The following PPARGC1A variants were observed in gnomAD, a reference collection of about 807,000 sequenced individuals.
The protein encoded by PPARGC1A is PPARG coactivator 1 alpha, also known as peroxisome proliferator-activated receptor gamma coactivator 1-alpha.
A neutral mutation model predicts 88.7 loss-of-function variants in PPARGC1A; 25 were observed. That is an observed-to-expected ratio of 0.28 (90% confidence interval 0.21 to 0.39). PPARGC1A has a LOEUF of 0.39. PPARGC1A is among the 10% of genes least tolerant of loss of function. The pLI is 1.00. For synonymous variants in PPARGC1A, 363 were observed against 355.6 expected (o/e 1.02, Z -0.24); for missense variants, 880 against 968.7 (o/e 0.91, Z 1.22).
the PPARGC1A span, among the ~76,000 whole-genome samples, chr4:24,031,085 C>T: frequency 1.3e-5 from 2 of 152,248 alleles, no homozygotes; most frequent in Non-Finnish European, 2.9e-5. Context: ...GGAAACCTCA[C>T]ATTGACAAGC....
At chr4:24,169,261 A>G in the PPARGC1A span, among the ~76,000 whole-genome samples, 1 of 152,184 alleles carries the variant, frequency 6.6e-6, no homozygotes, top group African/African-American at 2.4e-5. Context: ...AAAACAAAGA[A>G]AGGCTGAGAA....
chr4:23,964,256 A>G, the PPARGC1A span, among the ~76,000 whole-genome samples: 2 of 152,226 alleles, frequency 1.3e-5, no homozygotes, highest in African/African-American at 2.4e-5. Flanking sequence ...AATTAGTAAC[A>G]TAAGTTTTAG....
the PPARGC1A span, among the ~76,000 whole-genome samples, chr4:24,124,520 G>T: frequency 0.019 from 2,823 of 152,266 alleles, 36 homozygotes; most frequent in South Asian, 0.03. Flanking sequence ...CCTGCAATCT[G>T]GGTGTCATTT....
the PPARGC1A span, among the ~76,000 whole-genome samples, chr4:24,178,904 A>G: frequency 1.3e-5 from 2 of 152,188 alleles, no homozygotes; most frequent in Non-Finnish European, 2.9e-5. Flanking sequence ...TATCACTACA[A>G]TAGGTTGGTT....
chr4:24,471,410 C>A, the PPARGC1A span, among the ~76,000 whole-genome samples: 13 of 152,282 alleles, frequency 8.5e-5, no homozygotes, highest in South Asian at 6.2e-4. The surrounding 1 kb of genome is among the most constrained non-coding windows in gnomAD (Gnocchi z 5.4). Context: ...AGCTCTACTT[C>A]CCCGCGTAGT....
chr4:24,399,937 C>T, the PPARGC1A span, among the ~76,000 whole-genome samples: 1 of 151,976 alleles, frequency 6.6e-6, no homozygotes, highest in Non-Finnish European at 1.5e-5. Context: ...AGGCACACAC[C>T]ACCACACCTG....
chr4:24,390,995 C>A, the PPARGC1A span, among the ~76,000 whole-genome samples: 2 of 152,024 alleles, frequency 1.3e-5, no homozygotes, highest in African/African-American at 4.8e-5. Context: ...GTTTTGAGTA[C>A]TTCAAATCCT....
At chr4:23,936,192 C>T in the PPARGC1A span, among the ~76,000 whole-genome samples, 3 of 152,220 alleles carry the variant, frequency 2.0e-5, no homozygotes, top group African/African-American at 4.8e-5. Flanking sequence ...GTATTGAATG[C>T]CTACTATGTA....
At chr4:24,232,188 G>T in the PPARGC1A span, among the ~76,000 whole-genome samples, 1 of 149,186 alleles carries the variant, frequency 6.7e-6, no homozygotes, top group Non-Finnish European at 1.5e-5. Context: ...CTTGAGAGAG[G>T]GACAGGAAGG....
chr4:24,283,156 TGGTGG>T, the PPARGC1A span, among the ~76,000 whole-genome samples: 1 of 152,150 alleles, frequency 6.6e-6, no homozygotes, highest in African/African-American at 2.4e-5. Flanking sequence ...AAAGACATGG[TGGTGG>T]TATTTGATCC....
At chr4:23,824,825 A>G (rs961577466) in intron 5 of PPARGC1A, among the ~76,000 whole-genome samples, 3 of 152,150 alleles carry the variant, frequency 2.0e-5, no homozygotes, top group African/African-American at 7.2e-5. Context: ...AATTTGGAAT[A>G]CAGTACACGG....
the PPARGC1A span, among the ~76,000 whole-genome samples, chr4:23,981,458 A>T: frequency 6.6e-6 from 1 of 152,274 alleles, no homozygotes; most frequent in East Asian, 1.9e-4. Flanking sequence ...CCTCCCTATA[A>T]GTCTCCTTGT....
At chr4:24,169,624 C>T in the PPARGC1A span, among the ~76,000 whole-genome samples, 1 of 152,016 alleles carries the variant, frequency 6.6e-6, no homozygotes, top group African/African-American at 2.4e-5. Context: ...AATCCCAGCA[C>T]TTTGGGATGC....
At chr4:24,066,945 C>T in the PPARGC1A span, among the ~76,000 whole-genome samples, 1 of 147,988 alleles carries the variant, frequency 6.8e-6, no homozygotes, top group African/African-American at 2.5e-5. Flanking sequence ...CGGTGAAGGC[C>T]AACACACATT....
At chr4:24,240,988 C>T in the PPARGC1A span, among the ~76,000 whole-genome samples, 1 of 152,308 alleles carries the variant, frequency 6.6e-6, no homozygotes, top group East Asian at 1.9e-4. Flanking sequence ...AGAAACTCTG[C>T]TGCTGAGGGG....
At chr4:24,221,065 A>C in the PPARGC1A span, among the ~76,000 whole-genome samples, 3 of 152,196 alleles carry the variant, frequency 2.0e-5, no homozygotes, top group African/African-American at 7.2e-5. Context: ...ACACAAAATA[A>C]ATCGTAATTC....
the PPARGC1A span, among the ~76,000 whole-genome samples, chr4:24,208,720 A>T: frequency 6.7e-6 from 1 of 149,014 alleles, no homozygotes; most frequent in African/African-American, 2.4e-5. Context: ...TATATTATAT[A>T]TTACAGTAAT....
chr4:24,124,984 T>C, the PPARGC1A span, among the ~76,000 whole-genome samples: 245 of 152,166 alleles, frequency 1.6e-3, 1 homozygote, highest in African/African-American at 5.6e-3. Flanking sequence ...ACTCCCTCCT[T>C]GAATGTAAGA....
the PPARGC1A span, among the ~76,000 whole-genome samples, chr4:24,154,135 C>A: frequency 6.6e-6 from 1 of 152,142 alleles, no homozygotes; most frequent in East Asian, 1.9e-4. Context: ...AGTTTGAATC[C>A]CATCTCCAAG....
Sources: allele counts gnomAD v4.1 joint callset (sites outside exome capture counted in the v4.1 genomes callset), GRCh38; gene constraint gnomAD v4.1.1; non-coding constraint Gnocchi (gnomAD v3.1); transcripts MANE v1.5; gene names NCBI Gene and HGNC (gene_info 2026-07-23, HGNC 2026-07-21).